The following CNTN5 variants were observed in gnomAD, a reference collection of about 807,000 sequenced individuals.
CNTN5 encodes the protein contactin-5.
A neutral mutation model predicts 129.1 loss-of-function variants in CNTN5; 77 were observed. The ratio of observed to expected loss-of-function variants is 0.60; its 90% CI spans 0.50 to 0.72. CNTN5 has a LOEUF of 0.72. Among genes scored for constraint, CNTN5 ranks in the 30% least tolerant of loss-of-function variants. CNTN5 has a pLI of 0.00. For missense variants in CNTN5, 1,478 were observed against 1,328.8 expected (o/e 1.11, Z -1.75); for synonymous variants, 509 against 465.6 (o/e 1.09, Z -1.20).
intron 13 of CNTN5, among the ~76,000 whole-genome samples, chr11:100,117,991 G>A (rs575191179): frequency 2.6e-5 from 4 of 151,600 alleles, no homozygotes; most frequent in East Asian, 1.9e-4. Flanking sequence ...AATTCAACAC[G>A]AACTGGGAAA....
chr11:99,253,058 A>T (rs112325750), intron 1 of CNTN5, among the ~76,000 whole-genome samples: 2,595 of 152,010 alleles, frequency 0.017, 86 homozygotes, highest in African/African-American at 0.06. Context: ...TCCCCACTCA[A>T]ATCTCACCTT....
chr11:99,538,529 T>A (rs564390297), intron 2 of CNTN5, among the ~76,000 whole-genome samples: 1 of 152,290 alleles, frequency 6.6e-6, no homozygotes, highest in South Asian at 2.1e-4. Flanking sequence ...ACACGTACAA[T>A]TAAATATGCT....
rs201367839 is a variant in CNTN5 at position 99,230,598 on chromosome 11, C to CT, written c.-209-94743dup. On this transcript the variant is annotated intron_variant, in intron 1 of 24. Transcript: ENST00000524871. ...TTTAAAGCAGATGAATAATTATAAA[C>CT]TTTTTGAGACTGCAATAGCCTATCA... Among the ~76,000 whole-genome samples, 1,114 of 152,182 alleles carry CT rather than the reference C, an allele frequency of 7.3e-3. 6 individuals carry two copies. The highest frequency in any genetic ancestry group is 0.017 in the South Asian group (81 of 4,826).
intron 6 of CNTN5, among the ~76,000 whole-genome samples, chr11:99,901,655 C>T (rs533645681): frequency 1.9e-4 from 29 of 152,218 alleles, no homozygotes; most frequent in African/African-American, 7.0e-4. Flanking sequence ...CTAAATTCAG[C>T]TCACCACTGA....
At chr11:99,456,130 A>G (rs570697237) in intron 2 of CNTN5, among the ~76,000 whole-genome samples, 3 of 152,244 alleles carry the variant, frequency 2.0e-5, no homozygotes, top group African/African-American at 7.2e-5. Context: ...ATCGATTTTT[A>G]AACTCTTTTT....
intron 13 of CNTN5, among the ~76,000 whole-genome samples, chr11:100,190,218 A>G (rs889063484): frequency 6.6e-6 from 1 of 152,150 alleles, no homozygotes; most frequent in Non-Finnish European, 1.5e-5. Context: ...TAAAGTTCAC[A>G]GGGGCTACTG....
intron 2 of CNTN5, among the ~76,000 whole-genome samples, chr11:99,350,960 T>C (rs1386489861): frequency 6.6e-6 from 1 of 151,984 alleles, no homozygotes; most frequent in Non-Finnish European, 1.5e-5. Flanking sequence ...GCAGAAAGAA[T>C]TCCATTTTAT....
At chr11:100,146,411 T>G (rs1398524193) in intron 13 of CNTN5, among the ~76,000 whole-genome samples, 1 of 152,166 alleles carries the variant, frequency 6.6e-6, no homozygotes, top group African/African-American at 2.4e-5. Context: ...CACACAAAAT[T>G]TAAATACCCT....
intron 6 of CNTN5, among the ~76,000 whole-genome samples, chr11:99,868,347 G>A (rs950998590): frequency 1.3e-5 from 2 of 152,084 alleles, no homozygotes; most frequent in Admixed American, 1.3e-4. Context: ...TTGAAAATTT[G>A]TTGTATGCCA....
chr11:99,218,886 T>C (rs764276834), intron 1 of CNTN5, among the ~76,000 whole-genome samples: 2 of 152,116 alleles, frequency 1.3e-5, no homozygotes, highest in Non-Finnish European at 2.9e-5. Context: ...GCTTTCCCTG[T>C]TCTGATGCTT....
chr11:99,902,668 A>G (rs1374921751), intron 6 of CNTN5, among the ~76,000 whole-genome samples: 1 of 152,192 alleles, frequency 6.6e-6, no homozygotes, highest in African/African-American at 2.4e-5. Flanking sequence ...ATTAATTTAT[A>G]TAATTAATGA....
At chr11:100,019,823 G>A (rs1047898309) in intron 9 of CNTN5, among the ~76,000 whole-genome samples, 11 of 151,784 alleles carry the variant, frequency 7.2e-5, no homozygotes, top group African/African-American at 2.2e-4. Flanking sequence ...TAAGGGTTCC[G>A]TTTTCTCCAC....
chr11:100,038,427 A>C (rs1437825651), intron 9 of CNTN5, among the ~76,000 whole-genome samples: 1 of 152,214 alleles, frequency 6.6e-6, no homozygotes, highest in Non-Finnish European at 1.5e-5. Flanking sequence ...TGTGGTGTTG[A>C]AAAGAATGTA....
intron 1 of CNTN5, among the ~76,000 whole-genome samples, chr11:99,165,133 C>A (rs900384070): frequency 1.3e-5 from 2 of 151,942 alleles, no homozygotes; most frequent in Admixed American, 6.6e-5. Flanking sequence ...TGCAAATGAG[C>A]GTTTATCTAC....
chr11:99,328,523 A>G (rs898062200), intron 2 of CNTN5, among the ~76,000 whole-genome samples: 1 of 152,114 alleles, frequency 6.6e-6, no homozygotes, highest in Non-Finnish European at 1.5e-5. Context: ...TTTGTGTTTT[A>G]GAAAATATTG....
At chr11:99,717,023 CA>C (rs1281407473) in intron 3 of CNTN5, among the ~76,000 whole-genome samples, 6 of 151,982 alleles carry the variant, frequency 3.9e-5, no homozygotes, top group Non-Finnish European at 7.4e-5. Flanking sequence ...GGTGAAATTA[CA>C]ATTGGGCATT....
At chr11:99,061,068 T>C (rs1864855901) in intron 1 of CNTN5, among the ~76,000 whole-genome samples, 2 of 152,168 alleles carry the variant, frequency 1.3e-5, no homozygotes, top group Admixed American at 6.6e-5. Flanking sequence ...AGTAGCATTG[T>C]GTAAATACAA....
chr11:99,999,877 A>T (rs966752542), intron 8 of CNTN5, among the ~76,000 whole-genome samples: 1 of 152,074 alleles, frequency 6.6e-6, no homozygotes, highest in Non-Finnish European at 1.5e-5. Flanking sequence ...TGAAATTGGA[A>T]ATCATCATTC....
chr11:99,497,732 A>G (rs549910122), intron 2 of CNTN5, among the ~76,000 whole-genome samples: 252 of 152,298 alleles, frequency 1.7e-3, no homozygotes, highest in Admixed American at 5.4e-3. Context: ...ACTGTAAAAG[A>G]TGGGATGTAC....
Sources: gnomAD v4.1 joint callset for allele counts (sites outside exome capture counted in the v4.1 genomes callset) on GRCh38, gnomAD v4.1.1 for gene constraint, MANE v1.5 for transcripts, NCBI Gene and HGNC (gene_info 2026-07-23, HGNC 2026-07-21) for gene names.